IARS1: variants seen among roughly 807,000 people sequenced by gnomAD.
The protein encoded by IARS1 is isoleucine--tRNA ligase, cytoplasmic.
In IARS1, 124 loss-of-function variants were observed where a neutral mutation model predicts 168.2. The ratio of observed to expected loss-of-function variants is 0.74; its 90% CI spans 0.64 to 0.86. The LOEUF (loss-of-function observed/expected upper bound fraction) is 0.86, where lower values mean the gene tolerates loss of function less well. Ranked by LOEUF, IARS1 falls within the 40% of genes least tolerant of loss-of-function variation. The pLI, the probability that IARS1 is intolerant of heterozygous loss-of-function variation, is 0.00. For synonymous variants in IARS1, 532 were observed against 529.4 expected (o/e 1.00, Z -0.07); for missense variants, 1,452 against 1,515.8 (o/e 0.96, Z 0.70).
chr9:92,293,507 C>CA (rs1382842726), intron 1 of IARS1, 104 bp downstream of exon 1: 2 of 522,784 alleles, frequency 3.8e-6, no homozygotes, highest in African/African-American at 3.9e-5. Context: ...CCCGAAGAAA[C>CA]ACGCTCTTTT....
At chr9:92,271,732 A>T (rs1457920953) in intron 10 of IARS1, 77 bp from the exon 11 acceptor site, 3 of 1,462,210 alleles carry the variant, frequency 2.1e-6, no homozygotes, top group African/African-American at 2.8e-5. Flanking sequence ...GATTCCCAAG[A>T]TAATTGTTCT....
At chr9:92,272,501 G>A (rs978301132) in intron 10 of IARS1, among the ~76,000 whole-genome samples, 1 of 152,246 alleles carries the variant, frequency 6.6e-6, no homozygotes. Context: ...ACTCTGCGAA[G>A]ATCAAACACT....
chr9:92,285,934 C>T (rs1159185569), intron 5 of IARS1, 95 bp from the exon 6 acceptor site: 1 of 713,000 alleles, frequency 1.4e-6, no homozygotes, highest in Non-Finnish European at 2.5e-6. Context: ...TTCTGTCTGC[C>T]AAATAAGTGA....
intron 13 of IARS1, among the ~76,000 whole-genome samples, chr9:92,268,990 T>C (rs1832669751): frequency 6.6e-6 from 1 of 152,164 alleles, no homozygotes; most frequent in South Asian, 2.1e-4. Flanking sequence ...CCTTCTTCTC[T>C]TGGGCACTGC....
intron 26 of IARS1, among the ~76,000 whole-genome samples, chr9:92,246,638 C>G (rs1829242584): frequency 1.3e-5 from 2 of 152,130 alleles, no homozygotes; most frequent in Non-Finnish European, 2.9e-5. Flanking sequence ...CAAAATCACC[C>G]TAGGCTCCAG....
At position 92,264,963 on chromosome 9, in the gene IARS1, A is replaced by C. The variant is rs1027606265; in HGVS notation, c.1666T>G (p.Phe556Val). ...GTTTGGTCGATGCCCTCGGCAATGAAATCTGCAGGAAAAGCATCCTCAAAC... is the reference window on the plus strand; with the variant it reads ...GTTTGGTCGATGCCCTCGGCAATGACATCTGCAGGAAAAGCATCCTCAAAC... ...REFEDAFPAD[F>V]IAEGIDQTRG... Residue 556 changes from phenylalanine to valine, a missense_variant, in exon 16 of 34, where the codon TTC (phenylalanine) becomes GTC (valine). Transcript: ENST00000443024. The C allele has an allele frequency of 6.2e-7, 1 of 1,614,144 alleles. No individual in the cohort carries two copies. The highest frequency in any genetic ancestry group is 8.5e-7 in the Non-Finnish European group (1 of 1,179,986).
chr9:92,272,969 A>C (rs1293378203), intron 10 of IARS1, among the ~76,000 whole-genome samples: 2 of 151,964 alleles, frequency 1.3e-5, no homozygotes, highest in African/African-American at 4.8e-5. Context: ...GAATAGATAT[A>C]TGAGATATAA....
chr9:92,293,660 A>G lies in IARS1; in HGVS notation c.-57T>C, dbSNP rs183179029. On this transcript the variant is annotated 5_prime_UTR_variant, in exon 1 of 34. Transcript: ENST00000443024. ...AGCCCCGCGGGCCAGCAAGCCTAAA[A>G]GCAACTCATCCGGCGTCCACGCTGC... 7.4e-4 allele frequency: 212 copies of G among 284,638 alleles called. No homozygotes were observed. Among genetic ancestry groups the G allele is most frequent in the Admixed American group, 3.5e-3 (80 of 22,602 alleles). The allele number at this position is 284,638 out of a possible 1,614,324, so 17.6% of individuals were successfully genotyped here. A position where few individuals can be genotyped will look rare whatever the true frequency, so the allele number is the denominator to read the frequency against.
At chr9:92,273,875 AG>A (rs1428878863) in intron 10 of IARS1, among the ~76,000 whole-genome samples, 1 of 152,264 alleles carries the variant, frequency 6.6e-6, no homozygotes, top group Non-Finnish European at 1.5e-5. Context: ...AGGAGGCAAA[AG>A]AAGTCCAGAT....
At position 92,258,847 on chromosome 9, in the gene IARS1, C is replaced by A. The variant is rs1350708572; in HGVS notation, c.2016+7G>T. On this transcript the variant is annotated splice_region_variant and intron_variant, in intron 19 of 33. Coordinates refer to ENST00000443024, the MANE Select transcript of IARS1 (RefSeq NM_002161.6). ...CAGGTACATGTGCAGCCCCCTACAGCCCATACCTTCTGGAGCCTCAGAACG... is the reference window on the plus strand; with the variant it reads ...CAGGTACATGTGCAGCCCCCTACAGACCATACCTTCTGGAGCCTCAGAACG... 6.2e-7 allele frequency: 1 copy of A among 1,602,218 alleles called. No individual in the cohort carries two copies. Among genetic ancestry groups the A allele is most frequent in the Non-Finnish European group, 8.5e-7 (1 of 1,175,488 alleles).
intron 10 of IARS1, among the ~76,000 whole-genome samples, chr9:92,273,802 CA>C (rs1325446923): frequency 6.6e-6 from 1 of 152,212 alleles, no homozygotes; most frequent in Non-Finnish European, 1.5e-5. Context: ...CTCTCACTGA[CA>C]AAACGATCAA....
intron 30 of IARS1, chr9:92,240,503 AC>A: frequency 1.7e-6 from 1 of 586,410 alleles, no homozygotes; most frequent in Non-Finnish European, 3.1e-6. Context: ...CAAGTAATCC[AC>A]CAGCCTCCGC....
At chr9:92,278,352 C>T in intron 7 of IARS1, 66 bp from the exon 8 acceptor site, 1 of 1,070,238 alleles carries the variant, frequency 9.3e-7, no homozygotes, top group East Asian at 2.4e-5. Context: ...CAAAGACATG[C>T]ATCAAGCATA....
At chr9:92,278,378 G>C in intron 7 of IARS1, 92 bp from the exon 8 acceptor site, 1 of 840,826 alleles carries the variant, frequency 1.2e-6, no homozygotes, top group East Asian at 2.4e-5. Context: ...GTCCTGAGGA[G>C]CTCCTGTACC....
rs191369655 is a variant in IARS1 at position 92,226,548 on chromosome 9, T to A, written c.3409+2453A>T. On this transcript the variant is annotated intron_variant, in intron 31 of 33. Transcript: ENST00000443024. Reference sequence around the variant, plus strand: ...GCTGCCATAGTAAAGTCCCATAAACTGCAGGGGGCTAGGGAATAAAAATAA... The same window carrying A: ...GCTGCCATAGTAAAGTCCCATAAACAGCAGGGGGCTAGGGAATAAAAATAA... Among the ~76,000 whole-genome samples, 10 of 152,364 alleles carry A rather than the reference T, an allele frequency of 6.6e-5. No homozygotes were observed. In the East Asian group the frequency reaches 1.7e-3, roughly 26 times the overall value.
Position 92,250,218 on chromosome 9 carries a change from A to C in IARS1, c.2501T>G (p.Val834Gly), listed in dbSNP as rs1829812572. The C allele has an allele frequency of 1.2e-6, 2 of 1,612,170 alleles. No individual in the cohort carries two copies. The highest frequency in any genetic ancestry group is 1.7e-6 in the Non-Finnish European group (2 of 1,178,382). The change falls in exon 24 of 34, where the codon GTG becomes GGG. Residue 834 changes from valine to glycine, a missense_variant. Physicochemically the swap from Val to Gly is moderately radical, Grantham distance 109. Coordinates refer to ENST00000443024, the MANE Select transcript of IARS1 (RefSeq NM_002161.6). Reference sequence around the variant, plus strand: ...GGGAATAGTTTTTCGGTCTCTGATCACTCTTCCAAGTTCAATCACAGACTG... The same window carrying C: ...GGGAATAGTTTTTCGGTCTCTGATCCCTCTTCCAAGTTCAATCACAGACTG... The part of the protein sequence containing the change: ...QMQSVIELGR[V>G]IRDRKTIPIK...
At chr9:92,213,527 G>A (rs1838114857) in intron 33 of IARS1, among the ~76,000 whole-genome samples, 1 of 152,152 alleles carries the variant, frequency 6.6e-6, no homozygotes, top group African/African-American at 2.4e-5. Context: ...GAAGTGATGT[G>A]GCCACAAGTC....
intron 31 of IARS1, among the ~76,000 whole-genome samples, chr9:92,228,637 C>G (rs1465693014): frequency 6.6e-6 from 1 of 152,116 alleles, no homozygotes; most frequent in East Asian, 1.9e-4. Flanking sequence ...TTACTTGAGC[C>G]CAGGAGGCCG....
intron 16 of IARS1, among the ~76,000 whole-genome samples, chr9:92,264,426 T>C (rs139365191): frequency 6.6e-6 from 1 of 152,012 alleles, no homozygotes; most frequent in Non-Finnish European, 1.5e-5. Context: ...TAAGGAACTG[T>C]TTTACATAAG....
Sources: allele counts gnomAD v4.1 joint callset (sites outside exome capture counted in the v4.1 genomes callset), GRCh38; gene constraint gnomAD v4.1.1; transcripts MANE v1.5; gene names NCBI Gene and HGNC (gene_info 2026-07-23, HGNC 2026-07-21).